Variants in ATP8B4 observed in about 807,000 individuals in gnomAD.
The protein encoded by ATP8B4 is ATPase phospholipid transporting 8B4 (putative).
In ATP8B4, 133 loss-of-function variants were observed where a neutral mutation model predicts 145.6. The ratio of observed to expected loss-of-function variants is 0.91; its 90% CI spans 0.79 to 1.05. ATP8B4 has a LOEUF of 1.05. ATP8B4 is among the 50% of genes least tolerant of loss of function. The pLI, the probability that ATP8B4 is intolerant of heterozygous loss-of-function variation, is 0.00. For synonymous variants in ATP8B4, 507 were observed against 492.9 expected, an observed-to-expected ratio of 1.03 and a Z score of -0.38; for missense variants, 1,458 against 1,425.2, an observed-to-expected ratio of 1.02 and a Z score of -0.37.
chr15:50,072,923 T>TCC (rs2053846644), intron 3 of ATP8B4, among the ~76,000 whole-genome samples: 4 of 13,046 alleles, frequency 3.1e-4, no homozygotes, highest in African/African-American at 1.1e-3. Context: ...GTGCCCGGCC[T>TCC]CTCTCTCTCT....
Position 50,056,722 on chromosome 15 carries a change from C to T in ATP8B4, c.88-9258G>A, listed in dbSNP as rs972184939. ...ATGTGTATATATATATATATACACACACACACACACACACACCTATAGCAA... is the reference window on the plus strand; with the variant it reads ...ATGTGTATATATATATATATACACATACACACACACACACACCTATAGCAA... On this transcript the variant is annotated intron_variant, in intron 3 of 27. Coordinates refer to ENST00000284509, the MANE Select transcript of ATP8B4 (RefSeq NM_024837.4). Among the ~76,000 whole-genome samples, 117 of 147,982 alleles carry T rather than the reference C, an allele frequency of 7.9e-4. 1 individual carries two copies. Among genetic ancestry groups the T allele is most frequent in the African/African-American group, 2.9e-3 (111 of 38,256 alleles).
intron 1 of ATP8B4, among the ~76,000 whole-genome samples, chr15:50,131,745 CATATA>C: frequency 7.0e-6 from 1 of 142,676 alleles, no homozygotes; most frequent in Middle Eastern, 3.6e-3. Context: ...TTATTATATT[CATATA>C]ATATTATATT....
chr15:49,903,127 C>G (rs1047938299), intron 20 of ATP8B4, among the ~76,000 whole-genome samples: 2 of 152,174 alleles, frequency 1.3e-5, no homozygotes. Flanking sequence ...GCCAACGTCT[C>G]TTGGCCAGAT....
intron 1 of ATP8B4, among the ~76,000 whole-genome samples, chr15:50,159,046 T>C (rs2044475914): frequency 6.6e-6 from 1 of 152,196 alleles, no homozygotes; most frequent in African/African-American, 2.4e-5. Context: ...CCCTCCACTG[T>C]TGTCCTATGA....
intron 5 of ATP8B4, among the ~76,000 whole-genome samples, chr15:50,043,059 C>A (rs1392603327): frequency 6.6e-6 from 1 of 152,070 alleles, no homozygotes; most frequent in Non-Finnish European, 1.5e-5. Context: ...ACAAGAAAAC[C>A]ATTTTAAAGA....
intron 2 of ATP8B4, 72 bp from the exon 3 acceptor site, chr15:50,074,257 A>T: frequency 7.6e-7 from 1 of 1,318,786 alleles, no homozygotes; most frequent in East Asian, 2.3e-5. Context: ...TAAAACAACA[A>T]GACTTAGGTT....
intron 7 of ATP8B4, chr15:50,009,618 C>T (rs576501654): frequency 4.3e-4 from 192 of 446,934 alleles, no homozygotes; most frequent in South Asian, 3.0e-3. Context: ...TGATTCCACG[C>T]ACAGAGTATG....
chr15:49,938,439 A>G (rs990998783), intron 14 of ATP8B4, among the ~76,000 whole-genome samples: 2 of 152,194 alleles, frequency 1.3e-5, no homozygotes, highest in African/African-American at 4.8e-5. Flanking sequence ...TGGAAAACAG[A>G]AAAGACCAAG....
rs547138608 is a variant in ATP8B4, at chr15:50,074,718, A to G, written c.29-533T>C. Among the ~76,000 whole-genome samples, 76 of 152,352 alleles carry G rather than the reference A, an allele frequency of 5.0e-4. 1 individual carries two copies. Among genetic ancestry groups the G allele is most frequent in the Non-Finnish European group, 2.9e-5 (2 of 68,032 alleles). Reference sequence around the variant, plus strand: ...GAGACTGAGAGCTGCCCTTAGCTGGAAGTGACCAAAGAATAAAATCTCTTC... The same window carrying G: ...GAGACTGAGAGCTGCCCTTAGCTGGGAGTGACCAAAGAATAAAATCTCTTC... On this transcript the variant is annotated intron_variant, in intron 2 of 27. Coordinates refer to ENST00000284509, the MANE Select transcript of ATP8B4 (RefSeq NM_024837.4).
intron 14 of ATP8B4, 70 bp from the exon 15 acceptor site, chr15:49,934,252 A>G: frequency 6.7e-7 from 1 of 1,498,208 alleles, no homozygotes; most frequent in African/African-American, 1.4e-5. Context: ...AAATTCAAAA[A>G]TAGTTCCCCC....
At chr15:49,935,559 G>A (rs1051724296) in intron 14 of ATP8B4, among the ~76,000 whole-genome samples, 4 of 151,976 alleles carry the variant, frequency 2.6e-5, no homozygotes, top group African/African-American at 9.7e-5. Flanking sequence ...CATGCAAAGA[G>A]TTACAAAATC....
At chr15:49,959,392 A>T (rs920811247) in intron 14 of ATP8B4, among the ~76,000 whole-genome samples, 1 of 152,052 alleles carries the variant, frequency 6.6e-6, no homozygotes, top group African/African-American at 2.4e-5. Context: ...TACTAGAAGC[A>T]TATGCACTAA....
At chr15:50,015,138 G>C (rs1490547753) in intron 6 of ATP8B4, among the ~76,000 whole-genome samples, 1 of 152,108 alleles carries the variant, frequency 6.6e-6, no homozygotes, top group Non-Finnish European at 1.5e-5. Context: ...ACATTATTAG[G>C]AAATGTAAAA....
chr15:49,992,214 T>TA (rs2047097217), intron 9 of ATP8B4, among the ~76,000 whole-genome samples: 1 of 152,200 alleles, frequency 6.6e-6, no homozygotes, highest in Admixed American at 6.5e-5. Flanking sequence ...GCCTGGTACA[T>TA]AGTGAGTTCT....
chr15:49,996,870 G>T lies in ATP8B4; in HGVS notation c.507-111C>A. The stretch of plus-strand genomic sequence containing the variant: ...GCAAAGCCAAACCCAAGAGATCCAA[G>T]AAACTCTCCTTTGAATGTCATTCAC... On this transcript the variant is annotated intron_variant, in intron 8 of 27. Coordinates refer to ENST00000284509, the MANE Select transcript of ATP8B4 (RefSeq NM_024837.4). The T allele has an allele frequency of 6.8e-6, 5 of 731,004 alleles. No homozygotes were observed. In the Admixed American group the frequency reaches 1.1e-4, roughly 16 times the overall value. The allele number at this position is 731,004 out of a possible 1,614,324, so 45.3% of individuals were successfully genotyped here. A position where few individuals can be genotyped will look rare whatever the true frequency, so the allele number is the denominator to read the frequency against.
At chr15:49,952,085 T>G (rs1405649633) in intron 14 of ATP8B4, among the ~76,000 whole-genome samples, 1 of 152,220 alleles carries the variant, frequency 6.6e-6, no homozygotes, top group Non-Finnish European at 1.5e-5. Flanking sequence ...TGGGCTTCCC[T>G]CTGTGGGCAA....
intron 24 of ATP8B4, among the ~76,000 whole-genome samples, chr15:49,877,645 GT>G (rs903163456): frequency 2.0e-5 from 3 of 152,122 alleles, no homozygotes; most frequent in African/African-American, 7.2e-5. Context: ...CTGGTAACGG[GT>G]TTAGCTGGTG....
chr15:50,001,410 C>T (rs2047883872), intron 8 of ATP8B4, among the ~76,000 whole-genome samples: 1 of 152,152 alleles, frequency 6.6e-6, no homozygotes, highest in African/African-American at 2.4e-5. Context: ...ATTTGGAAGG[C>T]ACCAGTTAAA....
intron 8 of ATP8B4, 119 bp downstream of exon 8, chr15:50,002,034 G>T: frequency 2.7e-6 from 2 of 753,646 alleles, no homozygotes; most frequent in Non-Finnish European, 4.3e-6. Flanking sequence ...TATGGACTTT[G>T]CAATGTAAAC....
Sources: gnomAD v4.1 joint callset for allele counts (sites outside exome capture counted in the v4.1 genomes callset) on GRCh38, gnomAD v4.1.1 for gene constraint, MANE v1.5 for transcripts, NCBI Gene and HGNC (gene_info 2026-07-23, HGNC 2026-07-21) for gene names.